CDH13: variants seen among roughly 807,000 people sequenced by gnomAD.
The protein encoded by CDH13 is cadherin 13.
Under a neutral mutation model 63.8 loss-of-function variants are expected in CDH13, and 24 were observed. The ratio of observed to expected loss-of-function variants is 0.38; its 90% confidence interval spans 0.27 to 0.53. The LOEUF is 0.53. CDH13 is among the 20% of genes least tolerant of loss of function. CDH13 has a pLI of 0.85. For synonymous variants in CDH13, 503 were observed against 355.3 expected (o/e 1.42, Z -4.67); for missense variants, 1,049 against 903.1 (o/e 1.16, Z -2.07).
intron 1 of CDH13, among the ~76,000 whole-genome samples, chr16:82,666,509 A>C (rs949895293): frequency 9.2e-5 from 14 of 152,156 alleles, no homozygotes; most frequent in Non-Finnish European, 1.9e-4. Flanking sequence ...CTTTGTGTGG[A>C]ATAGGCAGTG....
intron 1 of CDH13, among the ~76,000 whole-genome samples, chr16:82,800,903 T>G (rs1234698912): frequency 6.6e-6 from 1 of 152,238 alleles, no homozygotes; most frequent in East Asian, 1.9e-4. Flanking sequence ...TCATGCACCT[T>G]ATTTCCTTTT....
chr16:83,219,659 C>G (rs2039638778), intron 5 of CDH13, among the ~76,000 whole-genome samples: 2 of 152,308 alleles, frequency 1.3e-5, no homozygotes, highest in African/African-American at 2.4e-5. Context: ...TCTCTCATGT[C>G]CAGCACAAAC....
At chr16:82,910,962 G>C (rs2041811066) in intron 2 of CDH13, among the ~76,000 whole-genome samples, 1 of 152,126 alleles carries the variant, frequency 6.6e-6, no homozygotes, top group African/African-American at 2.4e-5. Flanking sequence ...GGTGAGCAAT[G>C]CCCTCCGCCA....
chr16:83,472,772 G>A (rs918878641), intron 6 of CDH13, among the ~76,000 whole-genome samples: 2 of 151,900 alleles, frequency 1.3e-5, no homozygotes, highest in African/African-American at 2.4e-5. Context: ...GAAGCTACTG[G>A]ATCGAATCTC....
intron 7 of CDH13, among the ~76,000 whole-genome samples, chr16:83,592,846 G>T (rs531913060): frequency 6.6e-6 from 1 of 152,160 alleles, no homozygotes; most frequent in African/African-American, 2.4e-5. Context: ...GTACCAAGAG[G>T]TAAGGTGAAA....
At chr16:83,301,247 G>A (rs1388867924) in intron 5 of CDH13, among the ~76,000 whole-genome samples, 1 of 151,774 alleles carries the variant, frequency 6.6e-6, no homozygotes, top group African/African-American at 2.4e-5. Flanking sequence ...TAGCCAAGAT[G>A]GTCTCGATCT....
chr16:82,890,341 G>C (rs1249633373), intron 2 of CDH13, among the ~76,000 whole-genome samples: 1 of 152,172 alleles, frequency 6.6e-6, no homozygotes, highest in South Asian at 2.1e-4. Flanking sequence ...CTTTCAGTAA[G>C]GCATGTGAGT....
At chr16:83,563,252 T>G (rs757071964) in intron 7 of CDH13, among the ~76,000 whole-genome samples, 1 of 152,244 alleles carries the variant, frequency 6.6e-6, no homozygotes, top group Non-Finnish European at 1.5e-5. Flanking sequence ...TACTAAATTA[T>G]GACTTTGTGC....
chr16:83,447,719 AT>A (rs1011090435), intron 6 of CDH13, among the ~76,000 whole-genome samples: 1 of 150,058 alleles, frequency 6.7e-6, no homozygotes, highest in Non-Finnish European at 1.5e-5. Context: ...AGAGATAATC[AT>A]TTTTTTAAAT....
chr16:83,210,778 C>T (rs2039315720), intron 4 of CDH13, among the ~76,000 whole-genome samples: 1 of 151,260 alleles, frequency 6.6e-6, no homozygotes, highest in Non-Finnish European at 1.5e-5. Flanking sequence ...CAGGGAAGTA[C>T]CAAAATATAC....
At chr16:83,387,554 A>G (rs1369640478) in intron 6 of CDH13, among the ~76,000 whole-genome samples, 1 of 152,190 alleles carries the variant, frequency 6.6e-6, no homozygotes, top group Non-Finnish European at 1.5e-5. Flanking sequence ...TCCTCCCTTA[A>G]ATAGTGCTCA....
chr16:83,720,632 CAT>C (rs1909569237), intron 10 of CDH13, among the ~76,000 whole-genome samples: 1 of 152,112 alleles, frequency 6.6e-6, no homozygotes, highest in Non-Finnish European at 1.5e-5. Flanking sequence ...GCCAATGTAT[CAT>C]TTCAGGCAGA....
chr16:82,783,318 C>G (rs1455435437), intron 1 of CDH13, among the ~76,000 whole-genome samples: 2 of 152,192 alleles, frequency 1.3e-5, no homozygotes, highest in African/African-American at 4.8e-5. Context: ...GGGTCCCTGG[C>G]CACAAAGCTC....
chr16:82,832,618 A>G (rs1394435067), intron 1 of CDH13, among the ~76,000 whole-genome samples: 1 of 151,960 alleles, frequency 6.6e-6, no homozygotes, highest in East Asian at 1.9e-4. Context: ...AAAAAAATGA[A>G]TCTTAAACAT....
intron 1 of CDH13, among the ~76,000 whole-genome samples, chr16:82,708,441 C>T (rs890874772): frequency 5.9e-5 from 9 of 152,196 alleles, no homozygotes; most frequent in Non-Finnish European, 1.3e-4. Context: ...CTTCGTGCTT[C>T]TCTAGCTCTC....
intron 4 of CDH13, among the ~76,000 whole-genome samples, chr16:83,184,865 G>A (rs878968162): frequency 6.6e-6 from 1 of 151,702 alleles, no homozygotes; most frequent in Admixed American, 6.6e-5. Context: ...CTCATTTAGT[G>A]TTTGTGATGT....
At position 83,799,714 on chromosome 16, in the gene CDH13, A is replaced by T. The variant is rs1317571894; in HGVS notation, c.*4684A>T. 1.3e-5 allele frequency: 2 copies of T among 152,228 alleles called. No individual in the cohort carries two copies. The highest frequency in any genetic ancestry group is 6.5e-5 in the Admixed American group (1 of 15,286). The allele number at this position is 152,228 out of a possible 1,614,324, so 9.4% of individuals were successfully genotyped here. A position where few individuals can be genotyped will look rare whatever the true frequency, so the allele number is the denominator to read the frequency against. ...GAGATTTGATAATTTTCACAGTCTA[A>T]TGATAAAATGCTTTCAAAATGGTTC... On this transcript the variant is annotated 3_prime_UTR_variant, in exon 14 of 14. Transcript: ENST00000567109.
intron 1 of CDH13, among the ~76,000 whole-genome samples, chr16:82,668,164 C>T (rs1407126694): frequency 6.6e-6 from 1 of 152,076 alleles, no homozygotes; most frequent in African/African-American, 2.4e-5. Flanking sequence ...GCATACAGAC[C>T]ATGGGCTTGT....
At chr16:83,186,196 G>A (rs34734741) in intron 4 of CDH13, among the ~76,000 whole-genome samples, 9,015 of 150,326 alleles carry the variant, frequency 0.06, 344 homozygotes, top group Non-Finnish European at 0.077. Context: ...GTGCAGTGGC[G>A]TGATCTCGGA....
Sources: gnomAD v4.1 joint callset for allele counts (sites outside exome capture counted in the v4.1 genomes callset) on GRCh38, gnomAD v4.1.1 for gene constraint, MANE v1.5 for transcripts, NCBI Gene and HGNC (gene_info 2026-07-23, HGNC 2026-07-21) for gene names.